The following PPP1R13B variants were observed in gnomAD, a reference collection of about 807,000 sequenced individuals.
PPP1R13B encodes the protein protein phosphatase 1 regulatory subunit 13B.
A neutral mutation model predicts 119.8 loss-of-function variants in PPP1R13B; 44 were observed. That is an observed-to-expected ratio of 0.37 (90% CI 0.29 to 0.47). The LOEUF (loss-of-function observed/expected upper bound fraction) is 0.47. Among genes scored for constraint, PPP1R13B ranks in the 20% least tolerant of loss-of-function variants. The probability of loss-of-function intolerance (pLI) is 0.99; values close to 1 mark genes in which losing one functional copy is unlikely to be tolerated. For missense variants in PPP1R13B, 1,227 were observed against 1,413.5 expected (o/e 0.87, Z 2.12); for synonymous variants, 542 against 561.5 (o/e 0.97, Z 0.49).
chr14:103,844,373 C>T (rs2086979207), intron 1 of PPP1R13B, among the ~76,000 whole-genome samples: 1 of 152,036 alleles, frequency 6.6e-6, no homozygotes. Context: ...TTTGGCCACT[C>T]ACTCTCATTT....
At chr14:103,752,961 G>A (rs1342956243) in intron 7 of PPP1R13B, 39 bp downstream of exon 7, 2 of 1,584,782 alleles carry the variant, frequency 1.3e-6, no homozygotes. Context: ...AGAAAGATGA[G>A]AATGTTTTAA....
At chr14:103,831,030 G>A (rs529965980) in intron 1 of PPP1R13B, among the ~76,000 whole-genome samples, 48 of 147,522 alleles carry the variant, frequency 3.3e-4, no homozygotes, top group African/African-American at 1.1e-3. Context: ...TGCAACCTCC[G>A]CCTCCCGAGT....
Position 103,753,197 on chromosome 14 carries a change from C to T in PPP1R13B, c.632-1G>A, listed in dbSNP as rs1189765790. ...GCACTGAACCTTTCTATTTCAGCAG[C>T]TATAATTGACCACACAAGAAAAGAA... On this transcript the variant is annotated splice_acceptor_variant, in intron 6 of 16. Transcript: ENST00000202556. LOFTEE classifies it high-confidence loss of function. 1 of 1,603,516 alleles carries T rather than the reference C, an allele frequency of 6.2e-7. No individual in the cohort carries two copies. Among genetic ancestry groups the T allele is most frequent in the Non-Finnish European group, 8.5e-7 (1 of 1,176,694 alleles).
At chr14:103,822,545 G>C (rs765468321) in intron 1 of PPP1R13B, among the ~76,000 whole-genome samples, 1 of 152,196 alleles carries the variant, frequency 6.6e-6, no homozygotes, top group African/African-American at 2.4e-5. Context: ...TTTCACCGGT[G>C]GCTCACGCCT....
At chr14:103,743,328 A>C (rs998305671) in intron 9 of PPP1R13B, among the ~76,000 whole-genome samples, 1 of 152,260 alleles carries the variant, frequency 6.6e-6, no homozygotes, top group African/African-American at 2.4e-5. Flanking sequence ...ACTTATGATC[A>C]CAGGAGGCCC....
intron 7 of PPP1R13B, among the ~76,000 whole-genome samples, chr14:103,751,325 T>G (rs1036660208): frequency 2.6e-5 from 4 of 152,216 alleles, no homozygotes; most frequent in Non-Finnish European, 5.9e-5. Flanking sequence ...CTTATAATAC[T>G]GTAGTACTTC....
At chr14:103,767,360 G>C (rs1041485397) in intron 4 of PPP1R13B, among the ~76,000 whole-genome samples, 11 of 151,886 alleles carry the variant, frequency 7.2e-5, no homozygotes, top group Admixed American at 2.0e-4. Context: ...TTACCATTTA[G>C]AAGAAAAACT....
At chr14:103,832,108 TA>T (rs757832334) in intron 1 of PPP1R13B, among the ~76,000 whole-genome samples, 609 of 139,034 alleles carry the variant, frequency 4.4e-3, no homozygotes, top group African/African-American at 5.0e-3. Context: ...CCCTATCTCT[TA>T]AAAAAAAAAA....
chr14:103,843,650 T>C (rs1294050279), intron 1 of PPP1R13B, among the ~76,000 whole-genome samples: 1 of 152,170 alleles, frequency 6.6e-6, no homozygotes, highest in Non-Finnish European at 1.5e-5. Context: ...CAAAATATAA[T>C]TTAGTTTAGA....
intron 4 of PPP1R13B, among the ~76,000 whole-genome samples, chr14:103,777,038 G>A (rs2085218557): frequency 2.0e-5 from 3 of 151,658 alleles, no homozygotes; most frequent in Admixed American, 2.0e-4. Flanking sequence ...TCTTGCCCAG[G>A]CTGGAGTGCA....
intron 1 of PPP1R13B, among the ~76,000 whole-genome samples, chr14:103,839,584 G>C (rs1200644835): frequency 6.7e-6 from 1 of 149,524 alleles, no homozygotes; most frequent in Non-Finnish European, 1.5e-5. Context: ...CCAAGATCAT[G>C]CCACTGCACT....
In PPP1R13B at chr14:103,752,984, C is replaced by CA. The variant is rs2084587529; in HGVS notation, c.828+15dup. ...GAGAATGTTTTAATACAACCATTGC[C>CA]AGACCCAGGAGTTACCTGTAGTTCT... is the stretch of plus-strand genomic sequence containing the variant. On this transcript the variant is annotated intron_variant, in intron 7 of 16. Coordinates refer to ENST00000202556, the MANE Select transcript of PPP1R13B (RefSeq NM_015316.3). 1.2e-6 allele frequency: 2 copies of CA among 1,608,444 alleles called. No homozygotes were observed. Among genetic ancestry groups the CA allele is most frequent in the Non-Finnish European group, 1.7e-6 (2 of 1,176,734 alleles).
At position 103,752,665 on chromosome 14, in the gene PPP1R13B, GC is replaced by G. The variant is rs2084579626; in HGVS notation, c.828+334del. On this transcript the variant is annotated intron_variant, in intron 7 of 16. Transcript: ENST00000202556. ...TTCTTCTGCCTCAGCCTCCCAAGTG[GC>G]TGAGACTACGGGCATGCGCCACCAC... Among the ~76,000 whole-genome samples, 6 of 151,588 alleles carry G rather than the reference GC, an allele frequency of 4.0e-5. 1 individual carries two copies. The South Asian group carries it at 1.3e-3, about 32-fold the overall frequency.
At chr14:103,777,807 A>C (rs995097199) in intron 4 of PPP1R13B, among the ~76,000 whole-genome samples, 10 of 151,950 alleles carry the variant, frequency 6.6e-5, no homozygotes, top group Admixed American at 4.6e-4. Flanking sequence ...AATTAAAAAA[A>C]AAAAAAAAAC....
At chr14:103,782,667 G>A (rs1275239083) in intron 3 of PPP1R13B, among the ~76,000 whole-genome samples, 1 of 152,192 alleles carries the variant, frequency 6.6e-6, no homozygotes, top group African/African-American at 2.4e-5. Flanking sequence ...CAATGTGACA[G>A]TTAAAATATA....
intron 1 of PPP1R13B, 187 bp downstream of exon 1, chr14:103,847,093 GGCCCCGGCCCCGCGCTGAC>G (rs2087062389): frequency 1.0e-6 from 1 of 987,826 alleles, no homozygotes; most frequent in Non-Finnish European, 1.2e-6. Flanking sequence ...GCCCGCAGGC[GGCCCCGGCCCCGCGCTGAC>G]AGCCCGGCGC....
chr14:103,786,082 C>T (rs931241904), intron 2 of PPP1R13B, among the ~76,000 whole-genome samples: 2 of 152,112 alleles, frequency 1.3e-5, no homozygotes, highest in African/African-American at 4.8e-5. Flanking sequence ...CTCTGCCACC[C>T]AGGCTGGAGT....
rs114723653 is a variant in PPP1R13B, at chr14:103,740,532, G to A, written c.1884C>T (p.His628=). The A allele has an allele frequency of 1.6e-3, 2,506 of 1,576,822 alleles. 35 individuals are homozygous for A. The African/African-American group carries it at 0.03, about 19-fold the overall frequency. Residue 628 remains histidine (H), a synonymous_variant, in exon 12 of 17, where the codon CAC becomes CAT. Coordinates refer to ENST00000202556, the MANE Select transcript of PPP1R13B (RefSeq NM_015316.3). This position sits in a 1 kb window ranked among gnomAD's most constrained non-coding sequence, Gnocchi z 4.6. ...STSPSPLPFL[H]GSLSTGTPQP... is the part of the protein sequence containing the mutation. ...GTGGTGTGCCCGTGGACAGTGACCC[G>A]TGAAGAAACGGCAGCGGCGATGGAG... is the stretch of plus-strand genomic sequence containing the variant.
chr14:103,766,892 G>A (rs971822276), intron 4 of PPP1R13B, among the ~76,000 whole-genome samples: 4 of 152,224 alleles, frequency 2.6e-5, no homozygotes, highest in South Asian at 4.2e-4. Flanking sequence ...CACATAGTTC[G>A]AACTAATGGG....
Sources: gnomAD v4.1 joint callset for allele counts (sites outside exome capture counted in the v4.1 genomes callset) on GRCh38, gnomAD v4.1.1 for gene constraint, Gnocchi (gnomAD v3.1) non-coding constraint, MANE v1.5 for transcripts, NCBI Gene and HGNC (gene_info 2026-07-23, HGNC 2026-07-21) for gene names.